Variants in MAP2 observed in about 807,000 individuals in gnomAD.
MAP2 encodes microtubule associated protein 2.
In MAP2, 14 loss-of-function variants were observed where a neutral mutation model predicts 137.6. The observed-to-expected ratio is 0.10, with a 90% CI of 0.07 to 0.16. MAP2 has a LOEUF of 0.16. Among genes scored for constraint, MAP2 ranks in the 10% least tolerant of loss-of-function variants. The pLI is 1.00. For missense variants in MAP2, 2,088 were observed against 2,191.5 expected (o/e 0.95, Z 0.94); for synonymous variants, 786 against 782.3 (o/e 1.00, Z -0.08).
Position 209,696,139 on chromosome 2 carries a change from A to G in MAP2, c.3969A>G (p.Pro1323=), listed in dbSNP as rs1341496031. 4 of 1,613,192 alleles carry G rather than the reference A, an allele frequency of 2.5e-6. No homozygotes were observed. The African/African-American group carries it at 4.0e-5, about 16-fold the overall frequency. The change falls in exon 8 of 16, where the codon CCA becomes CCG. Residue 1323 remains proline, a synonymous_variant. Coordinates refer to ENST00000682079, the MANE Select transcript of MAP2 (RefSeq NM_001375505.1). ...AGCAGCCTGAGGTGGAAAGGAGACC[A>G]TCTCCTCATGATGAAGAAGAGTTTG... ...ALEQPEVERR[P]SPHDEEEFEV...
intron 1 of MAP2, among the ~76,000 whole-genome samples, chr2:209,457,961 C>G (rs1404327912): frequency 2.0e-5 from 3 of 152,074 alleles, no homozygotes; most frequent in Non-Finnish European, 4.4e-5. Flanking sequence ...GTGTTTTTAT[C>G]TTGATTTTGT....
Position 209,693,953 on chromosome 2 carries a change from C to G in MAP2, c.1783C>G (p.Leu595Val). 6.2e-7 allele frequency: 1 copy of G among 1,613,792 alleles called. No homozygotes were observed. Among genetic ancestry groups the G allele is most frequent in the Non-Finnish European group, 8.5e-7 (1 of 1,179,906 alleles). ...TGAGCCAGGCAGTGATTACTATGAA[C>G]TGAGTGACACTAGAGAAAGTGTCCA... ...SIEPGSDYYE[L>V]SDTRESVHES... Residue 595 changes from leucine (L) to valine (V), a missense_variant, in exon 8 of 16, where the codon CTG becomes GTG. Transcript: ENST00000682079.
At chr2:209,572,755 G>C (rs1411564226) in intron 2 of MAP2, among the ~76,000 whole-genome samples, 2 of 152,114 alleles carry the variant, frequency 1.3e-5, no homozygotes, top group Non-Finnish European at 2.9e-5. Context: ...TCAACATACA[G>C]ATGTTTTTAT....
At chr2:209,650,596 G>A (rs559998474) in intron 4 of MAP2, among the ~76,000 whole-genome samples, 5 of 152,256 alleles carry the variant, frequency 3.3e-5, no homozygotes, top group African/African-American at 1.2e-4. Flanking sequence ...ATAGTACCCT[G>A]GATCAGATCC....
Position 209,693,978 on chromosome 2 carries a change from A to G in MAP2, c.1808A>G (p.His603Arg). 2 of 1,614,030 alleles carry G rather than the reference A, an allele frequency of 1.2e-6. No homozygotes were observed. Among genetic ancestry groups the G allele is most frequent in the South Asian group, 2.2e-5 (2 of 91,048 alleles). Residue 603 changes from histidine to arginine, a missense_variant, in exon 8 of 16, where the codon CAT (histidine) becomes CGT (arginine). Around this residue, in one of 6 missense-constraint regions of MAP2, gnomAD observed 859 missense variants for 794.5 expected, o/e 1.08. Transcript: ENST00000682079. ...YELSDTRESV[H>R]ESIDTMSPMH... ...CTGAGTGACACTAGAGAAAGTGTCC[A>G]TGAGTCTATTGATACCATGTCTCCC...
rs777869493 is a variant in MAP2 at position 209,733,826 on chromosome 2, C to T, written c.*3429C>T. ...CTCTCTGCAGGAAAAAGCTTATTTT[C>T]AAACTCAGAAAATAAAATGTCAATC... On this transcript the variant is annotated 3_prime_UTR_variant, in exon 16 of 16. Transcript: ENST00000682079. 3 of 152,326 alleles carry T rather than the reference C, an allele frequency of 2.0e-5. No individual in the cohort carries two copies. Among genetic ancestry groups the T allele is most frequent in the Non-Finnish European group, 2.9e-5 (2 of 67,980 alleles). 9.4% of individuals were successfully genotyped at this position (152,326 alleles called of 1,614,324 possible).
At chr2:209,517,343 T>G (rs2062659057) in intron 2 of MAP2, among the ~76,000 whole-genome samples, 1 of 152,098 alleles carries the variant, frequency 6.6e-6, no homozygotes, top group Non-Finnish European at 1.5e-5. Context: ...TTTACATAAA[T>G]ATAAAGAGGA....
chr2:209,598,614 C>T (rs1362450090), intron 3 of MAP2, among the ~76,000 whole-genome samples: 1 of 138,010 alleles, frequency 7.2e-6, no homozygotes, highest in African/African-American at 2.7e-5. Context: ...CACCCCACAA[C>T]AGTCCCCAGA....
At chr2:209,508,507 A>G (rs2061343639) in intron 2 of MAP2, among the ~76,000 whole-genome samples, 1 of 151,764 alleles carries the variant, frequency 6.6e-6, no homozygotes, top group Non-Finnish European at 1.5e-5. Flanking sequence ...CACTGTAAAT[A>G]TGTACCTTTT....
chr2:209,651,456 A>T (rs2094794248), intron 4 of MAP2, among the ~76,000 whole-genome samples: 1 of 152,202 alleles, frequency 6.6e-6, no homozygotes, highest in Non-Finnish European at 1.5e-5. Context: ...ACAATAACAA[A>T]TGTAATAACT....
rs200474600 is a variant in MAP2 at position 209,705,608 on chromosome 2, G to T, written c.4613G>T (p.Arg1538Leu). Residue 1538 changes from arginine to leucine, a missense_variant, in exon 12 of 16, where the codon CGC becomes CTC. This residue lies in a region of MAP2 where 591 missense variants were observed against 642.6 expected (regional missense o/e 0.92). Coordinates refer to ENST00000682079, the MANE Select transcript of MAP2 (RefSeq NM_001375505.1). ...GGAGTAACCAAGAGCCCAGAAAAGC[G>T]CTCTTCTCTCCCAAGACCTTCCTCC... ...SDGVTKSPEK[R>L]SSLPRPSSIL... The T allele has an allele frequency of 4.3e-6, 7 of 1,611,630 alleles. No individual in the cohort carries two copies. Among genetic ancestry groups the T allele is most frequent in the Non-Finnish European group, 5.1e-6 (6 of 1,178,752 alleles).
At chr2:209,511,007 G>C (rs1315989816) in intron 2 of MAP2, among the ~76,000 whole-genome samples, 1 of 152,078 alleles carries the variant, frequency 6.6e-6, no homozygotes, top group Non-Finnish European at 1.5e-5. Flanking sequence ...CTCAACAAGT[G>C]ACATGAGGTG....
rs765112081 is a variant in MAP2, at chr2:209,695,835, A to G, written c.3665A>G (p.His1222Arg). 1.6e-5 allele frequency: 26 copies of G among 1,614,000 alleles called. No homozygotes were observed. Among genetic ancestry groups the G allele is most frequent in the Non-Finnish European group, 1.9e-5 (22 of 1,180,018 alleles). ...ITPSDVAEPL[H>R]ETIVSEPAEI... The stretch of plus-strand genomic sequence containing the variant: ...CCTTCTGATGTTGCAGAGCCATTGC[A>G]TGAAACGATCGTATCTGAACCAGCA... Residue 1222 changes from histidine (H) to arginine (R), a missense_variant, in exon 8 of 16, where the codon CAT becomes CGT. By Grantham distance (29) the His-to-Arg change is conservative. Around this residue, in one of 6 missense-constraint regions of MAP2, gnomAD observed 591 missense variants for 642.6 expected, o/e 0.92. Coordinates refer to ENST00000682079, the MANE Select transcript of MAP2 (RefSeq NM_001375505.1).
chr2:209,579,204 G>A (rs1392175067), intron 2 of MAP2: 1 of 151,978 alleles, frequency 6.6e-6, no homozygotes, highest in African/African-American at 2.4e-5. Context: ...AGTTTGTGTA[G>A]CTTAACTTGT....
At chr2:209,473,184 A>G (rs950468937) in intron 1 of MAP2, among the ~76,000 whole-genome samples, 3 of 152,180 alleles carry the variant, frequency 2.0e-5, no homozygotes, top group African/African-American at 7.2e-5. Flanking sequence ...ACTTACTAGC[A>G]TTCCTGGAAC....
intron 3 of MAP2, among the ~76,000 whole-genome samples, chr2:209,612,837 G>C (rs1175923810): frequency 6.6e-6 from 1 of 152,126 alleles, no homozygotes; most frequent in Non-Finnish European, 1.5e-5. Flanking sequence ...TTTAAGAGCA[G>C]AAAATGCTAT....
intron 2 of MAP2, among the ~76,000 whole-genome samples, chr2:209,561,358 G>A (rs1376002036): frequency 6.6e-6 from 1 of 152,120 alleles, no homozygotes; most frequent in Admixed American, 6.5e-5. Context: ...TTTCAATACT[G>A]AACAGAACAG....
intron 2 of MAP2, among the ~76,000 whole-genome samples, chr2:209,533,337 G>A (rs2065435117): frequency 6.6e-6 from 1 of 152,030 alleles, no homozygotes; most frequent in Admixed American, 6.6e-5. Context: ...TAAAGATGGG[G>A]TTTCACCCTG....
At chr2:209,571,105 A>G (rs1187057039) in intron 2 of MAP2, among the ~76,000 whole-genome samples, 1 of 152,000 alleles carries the variant, frequency 6.6e-6, no homozygotes, top group Non-Finnish European at 1.5e-5. Context: ...ACATAATCAT[A>G]TAGTCTTTAT....
Sources: gnomAD v4.1 joint callset for allele counts (sites outside exome capture counted in the v4.1 genomes callset) on GRCh38, gnomAD v4.1.1 for gene constraint, gnomAD v4.1.1 regional missense constraint, MANE v1.5 for transcripts, NCBI Gene and HGNC (gene_info 2026-07-23, HGNC 2026-07-21) for gene names.